SRRM3: variants seen among roughly 807,000 people sequenced by gnomAD.
The protein encoded by SRRM3 is serine/arginine repetitive matrix 3.
A neutral mutation model predicts 66.2 loss-of-function variants in SRRM3; 27 were observed. The observed-to-expected ratio is 0.41, with a 90% CI of 0.30 to 0.56. The LOEUF is 0.56. Ranked by LOEUF, SRRM3 falls within the 20% of genes least tolerant of loss-of-function variation. The pLI, the probability that SRRM3 is intolerant of heterozygous loss-of-function variation, is 0.32. For missense variants in SRRM3, 918 were observed against 991.9 expected (o/e 0.93, Z 1.00); for synonymous variants, 391 against 414.9 (o/e 0.94, Z 0.70).
chr7:76,278,214 C>T (rs1011024172), intron 11 of SRRM3, among the ~76,000 whole-genome samples: 1 of 151,912 alleles, frequency 6.6e-6, no homozygotes, highest in South Asian at 2.1e-4. Flanking sequence ...AGGCCGGGCA[C>T]GATGGCTCAC....
chr7:76,263,905 A>AAAAAG (rs1563633331), intron 8 of SRRM3, among the ~76,000 whole-genome samples: 3 of 143,644 alleles, frequency 2.1e-5, no homozygotes, highest in African/African-American at 8.2e-5. Context: ...AAAAAAAAAA[A>AAAAAG]GCAGGGACAT....
intron 1 of SRRM3, among the ~76,000 whole-genome samples, chr7:76,221,053 C>T (rs570435754): frequency 2.0e-5 from 3 of 151,138 alleles, no homozygotes; most frequent in African/African-American, 4.9e-5. Context: ...TCTTCTTACC[C>T]GTCTTTTTTT....
chr7:76,255,517 C>A (rs1476766889), intron 3 of SRRM3, among the ~76,000 whole-genome samples: 2 of 152,184 alleles, frequency 1.3e-5, no homozygotes, highest in African/African-American at 4.8e-5. Context: ...TCATAGCTCA[C>A]TGCAGCCTCA....
chr7:76,257,443 TA>T (rs34478728), intron 3 of SRRM3, among the ~76,000 whole-genome samples: 63,409 of 95,278 alleles, frequency 0.67, 20,993 homozygotes, highest in Non-Finnish European at 0.71. Context: ...CTTGTTCAAT[TA>T]AAAAAAAAAA....
intron 1 of SRRM3, among the ~76,000 whole-genome samples, chr7:76,217,317 T>G (rs1554602697): frequency 6.6e-6 from 1 of 152,108 alleles, no homozygotes; most frequent in African/African-American, 2.4e-5. Flanking sequence ...GAAGTTTTGC[T>G]CTTGTCCCCC....
chr7:76,259,732 T>C (rs1434976002), intron 3 of SRRM3, among the ~76,000 whole-genome samples, 174 bp from the exon 4 acceptor site: 1 of 152,150 alleles, frequency 6.6e-6, no homozygotes, highest in African/African-American at 2.4e-5. Context: ...CCCGTTGGGT[T>C]CCCCAAATCT....
chr7:76,230,748 CTTACT>C (rs562780925), intron 1 of SRRM3, among the ~76,000 whole-genome samples: 1,314 of 89,186 alleles, frequency 0.015, 22 homozygotes, highest in African/African-American at 0.052. Context: ...ATTTCTTTTA[CTTACT>C]TTTTTTTTTT....
intron 1 of SRRM3, among the ~76,000 whole-genome samples, chr7:76,226,379 T>C (rs1450693917): frequency 6.6e-6 from 1 of 152,114 alleles, no homozygotes; most frequent in Non-Finnish European, 1.5e-5. Flanking sequence ...GTGTGCCCCT[T>C]TGGCAAGCAT....
intron 1 of SRRM3, among the ~76,000 whole-genome samples, chr7:76,227,735 C>T (rs1453554673): frequency 2.0e-5 from 3 of 152,194 alleles, no homozygotes; most frequent in Non-Finnish European, 4.4e-5. Context: ...CCTTTAATAA[C>T]GTGAGGCCAA....
intron 2 of SRRM3, among the ~76,000 whole-genome samples, chr7:76,246,356 G>GTC (rs1801439031): frequency 6.6e-6 from 1 of 152,010 alleles, no homozygotes; most frequent in Non-Finnish European, 1.5e-5. Context: ...CTGAGGTCAG[G>GTC]AGTTCATGAC....
intron 1 of SRRM3, among the ~76,000 whole-genome samples, chr7:76,232,194 C>T (rs892083510): frequency 3.3e-5 from 5 of 152,148 alleles, no homozygotes; most frequent in Non-Finnish European, 7.3e-5. Context: ...GCCCTCAGCC[C>T]AGGGGGAGCC....
intron 1 of SRRM3, among the ~76,000 whole-genome samples, chr7:76,207,774 G>A (rs1038052687): frequency 3.3e-5 from 5 of 152,112 alleles, no homozygotes; most frequent in Non-Finnish European, 7.4e-5. Flanking sequence ...CTACTCAGGA[G>A]GCTGAGGTGG....
intron 8 of SRRM3, 130 bp from the exon 9 acceptor site, chr7:76,264,635 G>T (rs527816845): frequency 1.1e-6 from 1 of 904,254 alleles, no homozygotes; most frequent in African/African-American, 1.7e-5. Flanking sequence ...AAAAGTCCCC[G>T]CCAGCCATGG....
chr7:76,236,898 G>A (rs149708779), intron 2 of SRRM3, among the ~76,000 whole-genome samples: 14 of 152,242 alleles, frequency 9.2e-5, no homozygotes, highest in African/African-American at 3.1e-4. Flanking sequence ...CAAGGGGCAG[G>A]GGCAAGGAGG....
At chr7:76,243,371 G>A (rs1554605819) in intron 2 of SRRM3, among the ~76,000 whole-genome samples, 2 of 152,112 alleles carry the variant, frequency 1.3e-5, no homozygotes, top group South Asian at 4.1e-4. Flanking sequence ...GTGGTCACAT[G>A]AGACCAATCA....
rs896805578 is a variant in SRRM3 at position 76,248,331 on chromosome 7, G to A, written c.335+42G>A. On this transcript the variant is annotated intron_variant, in intron 3 of 14. Coordinates refer to ENST00000611745, the MANE Select transcript of SRRM3 (RefSeq NM_001110199.3). ...GTGGGGATGAGGGAGAGGGGGTGCA[G>A]GCTCAGGCAGCAGCTGGGTACTAAA... The A allele has an allele frequency of 3.3e-6, 5 of 1,510,622 alleles. No individual in the cohort carries two copies. The South Asian group carries it at 3.5e-5, about 10-fold the overall frequency. 93.6% of individuals were successfully genotyped at this position (1,510,622 alleles called of 1,614,324 possible). A position where few individuals can be genotyped will look rare whatever the true frequency, so the allele number is the denominator to read the frequency against.
intron 2 of SRRM3, among the ~76,000 whole-genome samples, chr7:76,247,848 C>G (rs1269702847): frequency 2.0e-5 from 3 of 152,174 alleles, no homozygotes; most frequent in African/African-American, 2.4e-5. Flanking sequence ...GCGCCCACCA[C>G]CACATCCGGC....
intron 2 of SRRM3, among the ~76,000 whole-genome samples, chr7:76,240,343 G>A (rs140334191): frequency 0.076 from 11,550 of 151,896 alleles, 1,037 homozygotes; most frequent in African/African-American, 0.21. Flanking sequence ...AAAATAGGCC[G>A]GGTGCATTGG....
At chr7:76,260,500 T>C in intron 5 of SRRM3, among the ~76,000 whole-genome samples, 1 of 100,952 alleles carries the variant, frequency 9.9e-6, no homozygotes, top group Admixed American at 1.1e-4. Context: ...CCCCTCCCCT[T>C]CTCTAGGACC....
Sources: gnomAD v4.1 joint callset for allele counts (sites outside exome capture counted in the v4.1 genomes callset) on GRCh38, gnomAD v4.1.1 for gene constraint, MANE v1.5 for transcripts, NCBI Gene and HGNC (gene_info 2026-07-23, HGNC 2026-07-21) for gene names.